Variants in NR6A1 observed in about 807,000 individuals in gnomAD.
NR6A1 encodes retinoic acid receptor-related testis-associated receptor.
In NR6A1, 7 loss-of-function variants were observed where a neutral mutation model predicts 59.1. That is an observed-to-expected ratio of 0.12 (90% confidence interval 0.07 to 0.22). The LOEUF (loss-of-function observed/expected upper bound fraction) is 0.22. Among genes scored for constraint, NR6A1 ranks in the 10% least tolerant of loss-of-function variants. The probability of loss-of-function intolerance (pLI) is 1.00; values close to 1 mark genes in which losing one functional copy is unlikely to be tolerated. For synonymous variants in NR6A1, 243 were observed against 236.1 expected (o/e 1.03, Z -0.27); for missense variants, 468 against 611.6 (o/e 0.77, Z 2.48).
At chr9:124,565,200 G>A (rs10120114) in intron 2 of NR6A1, among the ~76,000 whole-genome samples, 8,220 of 152,096 alleles carry the variant, frequency 0.054, 518 homozygotes, top group African/African-American at 0.15. Flanking sequence ...AGGCTCTGGC[G>A]GGCGGATCAT....
intron 2 of NR6A1, among the ~76,000 whole-genome samples, chr9:124,641,919 T>C (rs1382329059): frequency 1.3e-5 from 2 of 152,230 alleles, no homozygotes; most frequent in African/African-American, 2.4e-5. Flanking sequence ...CTCACTGTAA[T>C]AGTACAGGTA....
At chr9:124,667,144 T>C (rs1190450263) in intron 2 of NR6A1, among the ~76,000 whole-genome samples, 1 of 151,786 alleles carries the variant, frequency 6.6e-6, no homozygotes, top group Non-Finnish European at 1.5e-5. Context: ...CAAGCAATTC[T>C]TTGCCTCAGC....
chr9:124,593,748 C>T (rs1006666936), intron 2 of NR6A1, among the ~76,000 whole-genome samples: 1 of 152,140 alleles, frequency 6.6e-6, no homozygotes, highest in South Asian at 2.1e-4. Flanking sequence ...GGGCTGTGCA[C>T]AAGGGCTGCA....
Position 124,517,979 on chromosome 9 carries a change from A to G in NR6A1, c.*4726T>C, listed in dbSNP as rs1019713719. On this transcript the variant is annotated 3_prime_UTR_variant, in exon 10 of 10. Transcript: ENST00000487099. ...AGTTTTTTTTTTCTTTTTCATGGAA[A>G]TTTGAATCAACAACATTATCACCTA... 5.3e-5 allele frequency: 8 copies of G among 151,576 alleles called. No homozygotes were observed. The highest frequency in any genetic ancestry group is 1.0e-4 in the Non-Finnish European group (7 of 67,908). 9.4% of individuals were successfully genotyped at this position (151,576 alleles called of 1,614,324 possible).
chr9:124,625,210 T>C (rs933042763), intron 2 of NR6A1, among the ~76,000 whole-genome samples: 1 of 152,212 alleles, frequency 6.6e-6, no homozygotes, highest in Non-Finnish European at 1.5e-5. Flanking sequence ...TCTCCGAATC[T>C]GTCTAGTTTT....
intron 1 of NR6A1, among the ~76,000 whole-genome samples, chr9:124,738,402 G>A (rs761262708): frequency 7.2e-5 from 11 of 152,054 alleles, no homozygotes; most frequent in Non-Finnish European, 1.6e-4. Flanking sequence ...GAGAAATCCA[G>A]GGTCTTTGTA....
intron 8 of NR6A1, 91 bp from the exon 9 acceptor site, chr9:124,524,964 T>C (rs1588635225): frequency 2.2e-6 from 3 of 1,382,970 alleles, no homozygotes; most frequent in Non-Finnish European, 2.9e-6. Flanking sequence ...AATATGTTCA[T>C]TTTTCAACTA....
intron 6 of NR6A1, among the ~76,000 whole-genome samples, 165 bp downstream of exon 6, chr9:124,537,927 G>A (rs1461996826): frequency 6.6e-6 from 1 of 152,102 alleles, no homozygotes; most frequent in East Asian, 1.9e-4. Flanking sequence ...AAAAAATAAG[G>A]GATCACTGGT....
intron 1 of NR6A1, among the ~76,000 whole-genome samples, chr9:124,746,268 T>C (rs1000705178): frequency 6.6e-6 from 1 of 152,190 alleles, no homozygotes; most frequent in Admixed American, 6.5e-5. Context: ...CTTTCAAATC[T>C]GAAGCAAAGC....
chr9:124,715,543 CA>C (rs1231159170), intron 2 of NR6A1, among the ~76,000 whole-genome samples: 6 of 151,854 alleles, frequency 4.0e-5, no homozygotes, highest in Middle Eastern at 3.4e-3. Flanking sequence ...CTCTAAAAAA[CA>C]AAATAAAATT....
chr9:124,735,950 G>C (rs1840009389), intron 1 of NR6A1, among the ~76,000 whole-genome samples: 1 of 152,164 alleles, frequency 6.6e-6, no homozygotes, highest in African/African-American at 2.4e-5. Flanking sequence ...TGGAGGTTAG[G>C]ATTTCAATAT....
intron 1 of NR6A1, among the ~76,000 whole-genome samples, chr9:124,738,330 C>T (rs1003426794): frequency 1.3e-5 from 2 of 152,086 alleles, no homozygotes; most frequent in Admixed American, 6.6e-5. Context: ...ACCCACCTGT[C>T]GCACAGAATA....
In NR6A1 at chr9:124,647,724, C is replaced by CAA. The variant is rs35591437; in HGVS notation, c.142+85582_142+85583dup. Among the ~76,000 whole-genome samples the CAA allele has an allele frequency of 5.7e-3, 320 of 56,000 alleles. 2 individuals are homozygous for CAA. The highest frequency in any genetic ancestry group is 0.048 in the Middle Eastern group (5 of 104). 36.7% of individuals were successfully genotyped at this position (56,000 alleles called of 152,430 possible). A position where few individuals can be genotyped will look rare whatever the true frequency, so the allele number is the denominator to read the frequency against. On this transcript the variant is annotated intron_variant, in intron 2 of 9. Transcript: ENST00000487099. ...CCTGGGCAACAGAGTGAGACCGTCTCAAAAAAAAAAAAAAAAAGAAAGAAA... is the reference window on the plus strand; with the variant it reads ...CCTGGGCAACAGAGTGAGACCGTCTCAAAAAAAAAAAAAAAAAAAGAAAGAAA...
At chr9:124,645,189 C>T (rs948900409) in intron 2 of NR6A1, among the ~76,000 whole-genome samples, 5 of 151,878 alleles carry the variant, frequency 3.3e-5, no homozygotes, top group Admixed American at 6.6e-5. Context: ...TCAATTAAAA[C>T]CACAAAAGAA....
At chr9:124,569,766 TA>T (rs1408696992) in intron 2 of NR6A1, among the ~76,000 whole-genome samples, 1 of 152,086 alleles carries the variant, frequency 6.6e-6, no homozygotes, top group Non-Finnish European at 1.5e-5. Context: ...ACACAAATAA[TA>T]AAAAAATCAT....
intron 2 of NR6A1, among the ~76,000 whole-genome samples, chr9:124,587,625 C>A (rs1210000695): frequency 6.6e-6 from 1 of 152,150 alleles, no homozygotes; most frequent in Non-Finnish European, 1.5e-5. Context: ...TAATGGGCCC[C>A]AAACACAGAC....
At chr9:124,608,804 T>A (rs1313242954) in intron 2 of NR6A1, among the ~76,000 whole-genome samples, 2 of 152,190 alleles carry the variant, frequency 1.3e-5, no homozygotes, top group Non-Finnish European at 2.9e-5. Flanking sequence ...CACCAGCATA[T>A]GTTGTTTCTT....
chr9:124,723,279 A>G (rs2131101240), intron 2 of NR6A1, among the ~76,000 whole-genome samples: 1 of 152,272 alleles, frequency 6.6e-6, no homozygotes, highest in East Asian at 1.9e-4. Flanking sequence ...GTGTAATTCG[A>G]GTATCTGTTT....
At chr9:124,640,574 A>G (rs1836742507) in intron 2 of NR6A1, among the ~76,000 whole-genome samples, 1 of 151,846 alleles carries the variant, frequency 6.6e-6, no homozygotes, top group African/African-American at 2.4e-5. Context: ...TACTTTTAAA[A>G]TTTTTTGTAG....
Sources: gnomAD v4.1 joint callset for allele counts (sites outside exome capture counted in the v4.1 genomes callset) on GRCh38, gnomAD v4.1.1 for gene constraint, MANE v1.5 for transcripts, NCBI Gene and HGNC (gene_info 2026-07-23, HGNC 2026-07-21) for gene names.